KLF12: variants seen among roughly 807,000 people sequenced by gnomAD.
KLF12 encodes Krueppel-like factor 12.
A neutral mutation model predicts 37.8 loss-of-function variants in KLF12; 9 were observed. The observed-to-expected ratio is 0.24, with a 90% CI of 0.14 to 0.42. The LOEUF (loss-of-function observed/expected upper bound fraction) is 0.42, where lower values mean the gene tolerates loss of function less well. Ranked by LOEUF, KLF12 falls within the 10% of genes least tolerant of loss-of-function variation. The probability of loss-of-function intolerance (pLI) is 1.00; values close to 1 mark genes in which losing one functional copy is unlikely to be tolerated. For synonymous variants in KLF12, 208 were observed against 202.1 expected (o/e 1.03, Z -0.25); for missense variants, 411 against 516.0 (o/e 0.80, Z 1.97).
the KLF12 span, among the ~76,000 whole-genome samples, chr13:74,200,467 A>G: frequency 2.0e-4 from 31 of 152,268 alleles, no homozygotes; most frequent in African/African-American, 7.2e-4. Flanking sequence ...AGATGGAATC[A>G]TCTGCCTGGA....
At chr13:73,724,895 A>G (rs1260470246) in intron 6 of KLF12, among the ~76,000 whole-genome samples, 1 of 152,098 alleles carries the variant, frequency 6.6e-6, no homozygotes, top group East Asian at 1.9e-4. Flanking sequence ...ACTTTTACTT[A>G]GTAGGAAGGA....
intron 1 of KLF12, among the ~76,000 whole-genome samples, chr13:74,015,054 T>C (rs1892652318): frequency 6.6e-6 from 1 of 152,092 alleles, no homozygotes; most frequent in African/African-American, 2.4e-5. Context: ...CATTTATATA[T>C]AATAAATTAT....
At chr13:73,834,141 T>TC (rs539723056) in intron 4 of KLF12, among the ~76,000 whole-genome samples, 61 of 148,880 alleles carry the variant, frequency 4.1e-4, no homozygotes, top group African/African-American at 1.4e-3. Flanking sequence ...GAACACCTCC[T>TC]CCCCCCACCA....
chr13:73,775,185 T>C (rs1880536091), intron 5 of KLF12, among the ~76,000 whole-genome samples: 1 of 152,184 alleles, frequency 6.6e-6, no homozygotes, highest in Non-Finnish European at 1.5e-5. Flanking sequence ...CCCAAAGTGT[T>C]AGGATTACAG....
chr13:74,170,666 T>G, the KLF12 span, among the ~76,000 whole-genome samples: 1 of 152,234 alleles, frequency 6.6e-6, no homozygotes, highest in East Asian at 1.9e-4. Flanking sequence ...CAGATGATTA[T>G]TGCATATACA....
chr13:73,940,978 C>T (rs1159175932), intron 3 of KLF12, among the ~76,000 whole-genome samples: 3 of 152,214 alleles, frequency 2.0e-5, no homozygotes, highest in African/African-American at 7.2e-5. Context: ...AGAACAACTA[C>T]ATGCCTTTCT....
intron 5 of KLF12, among the ~76,000 whole-genome samples, chr13:73,779,656 T>C (rs1292592758): frequency 6.6e-6 from 1 of 152,226 alleles, no homozygotes; most frequent in Non-Finnish European, 1.5e-5. Flanking sequence ...CATGGGAATT[T>C]CCCAAGTTCT....
At chr13:73,980,395 A>C (rs909514050) in intron 2 of KLF12, among the ~76,000 whole-genome samples, 1 of 152,204 alleles carries the variant, frequency 6.6e-6, no homozygotes, top group Admixed American at 6.5e-5. Flanking sequence ...ATATTTTTTT[A>C]AAAGTTACAG....
At chr13:73,774,056 A>G (rs182343439) in intron 5 of KLF12, among the ~76,000 whole-genome samples, 198 of 152,252 alleles carry the variant, frequency 1.3e-3, no homozygotes, top group African/African-American at 4.6e-3. Context: ...TTTGATAAAA[A>G]GTAAGAACTA....
intron 3 of KLF12, among the ~76,000 whole-genome samples, chr13:73,861,233 G>C (rs750596466): frequency 1.3e-5 from 2 of 152,014 alleles, no homozygotes; most frequent in African/African-American, 2.4e-5. Flanking sequence ...AATGATAAAT[G>C]CATGTACCCC....
At chr13:74,106,638 G>A (rs1486342522) in intron 1 of KLF12, among the ~76,000 whole-genome samples, 1 of 152,196 alleles carries the variant, frequency 6.6e-6, no homozygotes, top group Non-Finnish European at 1.5e-5. Flanking sequence ...TCAAGACCAT[G>A]AATTAATAAT....
intron 4 of KLF12, among the ~76,000 whole-genome samples, chr13:73,816,905 A>G (rs1012689269): frequency 1.3e-5 from 2 of 152,206 alleles, no homozygotes; most frequent in Admixed American, 1.3e-4. Flanking sequence ...CTCACCAGCT[A>G]CATTACAGTC....
At chr13:74,167,826 A>G in the KLF12 span, among the ~76,000 whole-genome samples, 12,760 of 152,276 alleles carry the variant, frequency 0.084, 1,705 homozygotes, top group African/African-American at 0.28. Flanking sequence ...AATGGGAGCA[A>G]ACAGGGTACT....
chr13:74,155,369 G>GTT, the KLF12 span, among the ~76,000 whole-genome samples: 24 of 148,946 alleles, frequency 1.6e-4, no homozygotes, highest in Admixed American at 1.3e-4. Context: ...TTTTGTTTTT[G>GTT]TTTTTTTTCT....
chr13:74,163,819 C>G, the KLF12 span, among the ~76,000 whole-genome samples: 1 of 130,110 alleles, frequency 7.7e-6, no homozygotes, highest in South Asian at 2.8e-4. Flanking sequence ...ATGTCTGTAT[C>G]AAAACATCTT....
At chr13:74,088,071 G>C (rs1566206154) in intron 1 of KLF12, among the ~76,000 whole-genome samples, 1 of 152,050 alleles carries the variant, frequency 6.6e-6, no homozygotes, top group Non-Finnish European at 1.5e-5. Flanking sequence ...GAAAACAAAA[G>C]CATGGTCTTG....
chr13:74,247,603 A>G, the KLF12 span, among the ~76,000 whole-genome samples: 3 of 152,138 alleles, frequency 2.0e-5, no homozygotes, highest in Non-Finnish European at 4.4e-5. Context: ...AAGAAATTAG[A>G]GTTATGTCAA....
chr13:74,193,858 T>C, the KLF12 span, among the ~76,000 whole-genome samples: 1 of 152,210 alleles, frequency 6.6e-6, no homozygotes, highest in African/African-American at 2.4e-5. Flanking sequence ...ATTGCTAACG[T>C]GTCCCTATGC....
chr13:73,998,894 A>C (rs969367493), intron 1 of KLF12, among the ~76,000 whole-genome samples: 3 of 152,386 alleles, frequency 2.0e-5, no homozygotes, highest in Non-Finnish European at 4.4e-5. Flanking sequence ...AAAAATGAAA[A>C]GTAGCTAAAG....
Sources: allele counts gnomAD v4.1 joint callset (sites outside exome capture counted in the v4.1 genomes callset), GRCh38; gene constraint gnomAD v4.1.1; transcripts MANE v1.5; gene names NCBI Gene and HGNC (gene_info 2026-07-23, HGNC 2026-07-21).